GRIN2A: variants seen among roughly 807,000 people sequenced by gnomAD.
GRIN2A encodes glutamate ionotropic receptor NMDA type subunit 2A.
A neutral mutation model predicts 113.4 loss-of-function variants in GRIN2A; 22 were observed. That is an observed-to-expected ratio of 0.19 (90% CI 0.14 to 0.28). The LOEUF is 0.28. GRIN2A is among the 10% of genes least tolerant of loss of function. The probability of loss-of-function intolerance (pLI) is 1.00; values close to 1 mark genes in which losing one functional copy is unlikely to be tolerated. For synonymous variants in GRIN2A, 827 were observed against 738.4 expected, an observed-to-expected ratio of 1.12 and a Z score of -1.94; for missense variants, 1,502 against 1,887.0, an observed-to-expected ratio of 0.80 and a Z score of 3.78.
At chr16:9,875,797 G>T (rs545613916) in intron 4 of GRIN2A, among the ~76,000 whole-genome samples, 2 of 152,146 alleles carry the variant, frequency 1.3e-5, no homozygotes, top group Non-Finnish European at 2.9e-5. Flanking sequence ...TTATCCTTTA[G>T]GACTTGGTCC....
At chr16:10,124,067 G>T (rs144365301) in intron 2 of GRIN2A, among the ~76,000 whole-genome samples, 2 of 152,278 alleles carry the variant, frequency 1.3e-5, no homozygotes, top group Non-Finnish European at 1.5e-5. Context: ...GACAGATGAA[G>T]TGAAATTGCA....
At chr16:10,150,748 T>C (rs1426505272) in intron 2 of GRIN2A, among the ~76,000 whole-genome samples, 3 of 152,018 alleles carry the variant, frequency 2.0e-5, no homozygotes, top group Non-Finnish European at 2.9e-5. Context: ...CCTTTATCCA[T>C]CCACAGCACT....
At chr16:10,017,547 C>A (rs150929690) in intron 2 of GRIN2A, among the ~76,000 whole-genome samples, 1 of 152,216 alleles carries the variant, frequency 6.6e-6, no homozygotes, top group African/African-American at 2.4e-5. Context: ...TCTAAGTGCT[C>A]TGAGAAATAT....
At chr16:9,794,664 G>A (rs535327857) in intron 11 of GRIN2A, 4 of 152,300 alleles carry the variant, frequency 2.6e-5, no homozygotes, top group Admixed American at 1.3e-4. Flanking sequence ...CCAAACCCAA[G>A]TCTGACCAGG....
Position 9,836,083 on chromosome 16 carries a change from GATAA to G in GRIN2A, c.1652-1857_1652-1854del, listed in dbSNP as rs542740105. Reference sequence around the variant, plus strand: ...TGAGTTGTATCCAAAAAGGAAATTAGATAAATAAATGATTAGGAGATTTATAAGT... The same window carrying G: ...TGAGTTGTATCCAAAAAGGAAATTAGATAAATGATTAGGAGATTTATAAGT... On this transcript the variant is annotated intron_variant, in intron 7 of 12. Coordinates refer to ENST00000330684, the MANE Select transcript of GRIN2A (RefSeq NM_001134407.3). Among the ~76,000 whole-genome samples, 580 of 152,280 alleles carry G rather than the reference GATAA, an allele frequency of 3.8e-3. 2 individuals carry two copies. The highest frequency in any genetic ancestry group is 0.013 in the African/African-American group (554 of 41,552).
At chr16:9,965,248 C>A (rs982665349) in intron 2 of GRIN2A, among the ~76,000 whole-genome samples, 92 of 152,210 alleles carry the variant, frequency 6.0e-4, no homozygotes, top group African/African-American at 2.2e-3. Flanking sequence ...AGAACAGATT[C>A]CTCTCCTAAC....
At chr16:9,950,732 C>T (rs1199034702) in intron 2 of GRIN2A, among the ~76,000 whole-genome samples, 3 of 152,178 alleles carry the variant, frequency 2.0e-5, no homozygotes, top group African/African-American at 7.2e-5. Context: ...AGGTCCAAAC[C>T]TCAGTTCTTC....
chr16:10,055,550 A>G (rs1041242428), intron 2 of GRIN2A, among the ~76,000 whole-genome samples: 5 of 152,240 alleles, frequency 3.3e-5, no homozygotes, highest in African/African-American at 1.2e-4. Context: ...CTGAGCAGAC[A>G]AAACATCTGG....
At chr16:9,782,789 A>G (rs1455792342) in intron 11 of GRIN2A, among the ~76,000 whole-genome samples, 4 of 152,122 alleles carry the variant, frequency 2.6e-5, no homozygotes, top group African/African-American at 9.7e-5. Context: ...ACTGAGGAAG[A>G]CTCAGTGGCT....
chr16:9,814,658 T>C (rs1234454122), intron 10 of GRIN2A, among the ~76,000 whole-genome samples: 1 of 152,166 alleles, frequency 6.6e-6, no homozygotes, highest in Non-Finnish European at 1.5e-5. Context: ...CATTTCTCAA[T>C]AGTCAACTAA....
chr16:10,091,385 G>T (rs184758508), intron 2 of GRIN2A, among the ~76,000 whole-genome samples: 1 of 152,178 alleles, frequency 6.6e-6, no homozygotes, highest in East Asian at 1.9e-4. Context: ...GATCACTTGA[G>T]CCAGGAGTTT....
intron 2 of GRIN2A, among the ~76,000 whole-genome samples, chr16:10,108,459 A>AT (rs1408220000): frequency 6.6e-6 from 1 of 152,216 alleles, no homozygotes; most frequent in East Asian, 1.9e-4. Flanking sequence ...AAACCATATC[A>AT]TTGGGTCTCA....
intron 4 of GRIN2A, among the ~76,000 whole-genome samples, chr16:9,888,624 A>G (rs1249489281): frequency 6.6e-6 from 1 of 151,958 alleles, no homozygotes; most frequent in East Asian, 1.9e-4. Context: ...AATAAGATAT[A>G]AGCTTATTTA....
intron 2 of GRIN2A, among the ~76,000 whole-genome samples, chr16:10,124,769 C>G (rs1426411939): frequency 1.3e-5 from 2 of 152,146 alleles, no homozygotes; most frequent in African/African-American, 4.8e-5. Context: ...AACCATTTCA[C>G]AGAAGAGACA....
rs187936868 is a variant in GRIN2A, at chr16:10,050,796, A to G, written c.415-112245T>C. 4.6e-5 allele frequency among the ~76,000 whole-genome samples: 7 copies of G among 152,304 alleles called. 1 individual carries two copies. Among genetic ancestry groups the G allele is most frequent in the Admixed American group, 4.6e-4 (7 of 15,286 alleles). The stretch of plus-strand genomic sequence containing the variant: ...CCTGGTGCCAAAAAGATTGAGGACC[A>G]CTGCTGTAGAGACAGTGAATCATAA... On this transcript the variant is annotated intron_variant, in intron 2 of 12. Coordinates refer to ENST00000330684, the MANE Select transcript of GRIN2A (RefSeq NM_001134407.3).
rs1900440442 is a variant in GRIN2A, at chr16:9,758,296, A to G, written c.*4853T>C. ...CCTTTGATGTGTTTAAGGAAATCAC[A>G]CACAAGTCCATATCGGCATTGTCTT... On this transcript the variant is annotated 3_prime_UTR_variant, in exon 13 of 13. Transcript: ENST00000330684. 1 of 224,426 alleles carries G rather than the reference A, an allele frequency of 4.5e-6. No individual in the cohort carries two copies. The highest frequency in any genetic ancestry group is 5.7e-5 in the Admixed American group (1 of 17,462). 13.9% of individuals were successfully genotyped at this position (224,426 alleles called of 1,614,324 possible).
chr16:9,938,658 T>A, intron 2 of GRIN2A, 107 bp from the exon 3 acceptor site: 3 of 775,814 alleles, frequency 3.9e-6, no homozygotes, highest in Middle Eastern at 2.9e-4. Context: ...ATCAATCATT[T>A]GCAGACATTC....
At chr16:9,928,108 A>G (rs550053341) in intron 3 of GRIN2A, among the ~76,000 whole-genome samples, 122 of 152,106 alleles carry the variant, frequency 8.0e-4, no homozygotes, top group African/African-American at 2.9e-3. Context: ...CTGGACCGTG[A>G]CTCCTCCATC....
At chr16:9,831,649 G>A (rs1044730926) in intron 8 of GRIN2A, among the ~76,000 whole-genome samples, 15 of 151,744 alleles carry the variant, frequency 9.9e-5, no homozygotes, top group African/African-American at 3.6e-4. Context: ...CCGAACTGCT[G>A]GGACTACAGG....
Sources: allele counts gnomAD v4.1 joint callset (sites outside exome capture counted in the v4.1 genomes callset), GRCh38; gene constraint gnomAD v4.1.1; transcripts MANE v1.5; gene names NCBI Gene and HGNC (gene_info 2026-07-23, HGNC 2026-07-21).